TBC1D32: variants seen among roughly 807,000 people sequenced by gnomAD.
The protein encoded by TBC1D32 is protein broad-minded.
TBC1D32 carries 151 observed loss-of-function variants against 170.3 expected under a neutral mutation model. That is an observed-to-expected ratio of 0.89 (90% CI 0.78 to 1.01). The LOEUF is 1.01. TBC1D32 is among the 50% of genes least tolerant of loss of function. The pLI, the probability that TBC1D32 is intolerant of heterozygous loss-of-function variation, is 0.00. For synonymous variants in TBC1D32, 498 were observed against 488.0 expected (o/e 1.02, Z -0.27); for missense variants, 1,464 against 1,457.1 (o/e 1.00, Z -0.08).
chr6:121,192,772 G>T (rs1243131035), intron 22 of TBC1D32, among the ~76,000 whole-genome samples: 1 of 151,896 alleles, frequency 6.6e-6, no homozygotes, highest in Non-Finnish European at 1.5e-5. Context: ...TTTGCCAAAA[G>T]AAACAGCTTC....
chr6:121,158,965 T>C (rs1268895822), intron 24 of TBC1D32, among the ~76,000 whole-genome samples: 5 of 152,188 alleles, frequency 3.3e-5, no homozygotes, highest in African/African-American at 4.8e-5. Flanking sequence ...TCTTACTTCC[T>C]GTCACTCTTG....
At position 121,294,639 on chromosome 6, in the gene TBC1D32, A is replaced by C; in HGVS notation, c.1162T>G (p.Cys388Gly). The change falls in exon 11 of 32, where the codon TGT becomes GGT. Residue 388 changes from cysteine to glycine, a missense_variant. This residue lies in a region of TBC1D32 where 1,363 missense variants were observed against 1,338.1 expected (regional missense o/e 1.02). Coordinates refer to ENST00000398212, the MANE Select transcript of TBC1D32 (RefSeq NM_152730.6). ...KSLVTTAIQQCVQYFEMCKTR... is the reference protein window; with the variant it reads ...KSLVTTAIQQGVQYFEMCKTR... ...TTACACATTTCAAAGTACTGAACAC[A>C]CTGTTGAATGGCTGTAGTTACCTGA... 6.2e-7 allele frequency: 1 copy of C among 1,612,398 alleles called. No homozygotes were observed. The highest frequency in any genetic ancestry group is 8.5e-7 in the Non-Finnish European group (1 of 1,179,246).
chr6:121,233,676 T>C (rs1371111464), intron 20 of TBC1D32, among the ~76,000 whole-genome samples: 1 of 152,172 alleles, frequency 6.6e-6, no homozygotes, highest in East Asian at 1.9e-4. Flanking sequence ...ATTCTGTATC[T>C]TTTAAGTGGA....
intron 24 of TBC1D32, among the ~76,000 whole-genome samples, chr6:121,144,764 AT>A (rs756983034): frequency 1.1e-4 from 17 of 152,180 alleles, no homozygotes; most frequent in Non-Finnish European, 1.8e-4. Flanking sequence ...CAGTCATGAG[AT>A]CCTCACAACA....
At chr6:121,285,071 G>A (rs1803585965) in intron 12 of TBC1D32, among the ~76,000 whole-genome samples, 1 of 152,114 alleles carries the variant, frequency 6.6e-6, no homozygotes, top group African/African-American at 2.4e-5. Flanking sequence ...AATATACTGT[G>A]TAACGGGGTC....
chr6:121,181,561 G>A (rs749390903), intron 22 of TBC1D32, among the ~76,000 whole-genome samples: 84 of 151,984 alleles, frequency 5.5e-4, no homozygotes, highest in Non-Finnish European at 1.1e-3. Flanking sequence ...CCAGTCTCAG[G>A]TATTTCTTTG....
chr6:121,117,685 G>C, intron 26 of TBC1D32, among the ~76,000 whole-genome samples: 1 of 149,090 alleles, frequency 6.7e-6, no homozygotes, highest in Non-Finnish European at 1.5e-5. Flanking sequence ...CTGCGTGACA[G>C]AGTGAGAGTC....
At chr6:121,260,702 C>T (rs146140571) in intron 15 of TBC1D32, among the ~76,000 whole-genome samples, 3 of 152,272 alleles carry the variant, frequency 2.0e-5, no homozygotes, top group Admixed American at 1.3e-4. Flanking sequence ...CAGTCCAAAC[C>T]ACAGAGCCAT....
chr6:121,316,416 A>G (rs1287512272), intron 3 of TBC1D32, among the ~76,000 whole-genome samples: 5 of 152,142 alleles, frequency 3.3e-5, no homozygotes, highest in Non-Finnish European at 7.4e-5. Flanking sequence ...GAAGCAACTC[A>G]ATAAACTTAC....
At chr6:121,170,434 T>G in intron 22 of TBC1D32, 1 of 1,605,598 alleles carries the variant, frequency 6.2e-7, no homozygotes, top group African/African-American at 1.3e-5. Context: ...CCAAGATATT[T>G]TCTTCTTGAG....
chr6:121,319,621 A>G (rs1809413104), intron 2 of TBC1D32, among the ~76,000 whole-genome samples: 1 of 152,202 alleles, frequency 6.6e-6, no homozygotes, highest in African/African-American at 2.4e-5. Context: ...TTAATGATAT[A>G]CAGGGTAGGG....
At chr6:121,186,354 T>C (rs4946549) in intron 22 of TBC1D32, among the ~76,000 whole-genome samples, 3,662 of 151,832 alleles carry the variant, frequency 0.024, 164 homozygotes, top group East Asian at 0.12. Flanking sequence ...GTGGTAAAAA[T>C]TGATGGAAGA....
intron 15 of TBC1D32, among the ~76,000 whole-genome samples, chr6:121,263,407 T>C (rs752552847): frequency 6.6e-6 from 1 of 152,140 alleles, no homozygotes; most frequent in African/African-American, 2.4e-5. Context: ...GAAATATACA[T>C]GCACCCAATA....
chr6:121,214,211 CA>C (rs1430187899), intron 21 of TBC1D32, among the ~76,000 whole-genome samples: 1 of 152,110 alleles, frequency 6.6e-6, no homozygotes, highest in Admixed American at 6.5e-5. Context: ...AATACCATTC[CA>C]ACATACAAAC....
intron 21 of TBC1D32, among the ~76,000 whole-genome samples, chr6:121,218,105 A>C (rs1794055378): frequency 2.0e-5 from 3 of 152,216 alleles, no homozygotes; most frequent in Non-Finnish European, 2.9e-5. Flanking sequence ...ATATAGCTCA[A>C]AGAGTTGTCA....
intron 5 of TBC1D32, among the ~76,000 whole-genome samples, chr6:121,305,597 C>T (rs1278543376): frequency 1.3e-5 from 2 of 151,924 alleles, no homozygotes; most frequent in African/African-American, 4.8e-5. Flanking sequence ...AGAAATAGTT[C>T]CCCAAGTTAC....
At chr6:121,139,671 A>T (rs1038373816) in intron 24 of TBC1D32, 6 of 152,324 alleles carry the variant, frequency 3.9e-5, no homozygotes, top group African/African-American at 1.4e-4. Context: ...GCTAAATTTC[A>T]ACATCTTTTA....
chr6:121,158,676 G>C (rs1785208558), intron 24 of TBC1D32, among the ~76,000 whole-genome samples: 1 of 152,108 alleles, frequency 6.6e-6, no homozygotes, highest in Non-Finnish European at 1.5e-5. Context: ...CTTTCAGAGA[G>C]CTACAACCCT....
intron 20 of TBC1D32, among the ~76,000 whole-genome samples, chr6:121,224,082 C>T (rs1583287827): frequency 1.3e-5 from 2 of 152,144 alleles, no homozygotes; most frequent in African/African-American, 4.8e-5. Flanking sequence ...CTACTCTTCA[C>T]AGTCTCAAAA....
Sources: allele counts gnomAD v4.1 joint callset (sites outside exome capture counted in the v4.1 genomes callset), GRCh38; gene constraint gnomAD v4.1.1; regional missense constraint gnomAD v4.1.1; transcripts MANE v1.5; gene names NCBI Gene and HGNC (gene_info 2026-07-23, HGNC 2026-07-21).